The following UNC45B variants were observed in gnomAD, a reference collection of about 807,000 sequenced individuals.
The protein encoded by UNC45B is unc-45 myosin chaperone B, also known as protein unc-45 homolog B.
A neutral mutation model predicts 98.7 loss-of-function variants in UNC45B; 78 were observed. The observed-to-expected ratio is 0.79, with a 90% CI of 0.66 to 0.95. The LOEUF (loss-of-function observed/expected upper bound fraction) is 0.95. Among genes scored for constraint, UNC45B ranks in the 40% least tolerant of loss-of-function variants. The pLI is 0.00. For synonymous variants in UNC45B, 462 were observed against 480.4 expected, an observed-to-expected ratio of 0.96 and a Z score of 0.50; for missense variants, 1,225 against 1,184.9, an observed-to-expected ratio of 1.03 and a Z score of -0.50.
rs373988972 is a variant in UNC45B, at chr17:35,186,375, T to C, written c.2606T>C (p.Ile869Thr). ...QLSVQHRGLV[I>T]AYNLLAADAE... ...TCTGTCCAACACCGGGGCCTGGTCA[T>C]TGCCTACAACCTACTGGCAGCCGAT... Residue 869 changes from isoleucine (I) to threonine (T), a missense_variant, in exon 20 of 20, where the codon ATT becomes ACT. Coordinates refer to ENST00000394570, the MANE Select transcript of UNC45B (RefSeq NM_001267052.2). 3 of 1,614,078 alleles carry C rather than the reference T, an allele frequency of 1.9e-6. No homozygotes were observed. The highest frequency in any genetic ancestry group is 2.7e-5 in the African/African-American group (2 of 74,926).
chr17:35,179,479 T>G (rs1315843872), intron 17 of UNC45B, among the ~76,000 whole-genome samples: 1 of 152,202 alleles, frequency 6.6e-6, no homozygotes, highest in Non-Finnish European at 1.5e-5. Flanking sequence ...CTATTCACAA[T>G]AGCAAAGACT....
intron 17 of UNC45B, among the ~76,000 whole-genome samples, chr17:35,177,914 T>C (rs551064046): frequency 6.6e-6 from 1 of 152,188 alleles, no homozygotes; most frequent in East Asian, 1.9e-4. Context: ...TTTCTTTTCT[T>C]ATCAAGACCG....
In UNC45B at chr17:35,186,714, T is replaced by A; in HGVS notation, c.*155T>A. The A allele has an allele frequency of 1.2e-6, 1 of 829,196 alleles. No homozygotes were observed. Among genetic ancestry groups the A allele is most frequent in the Non-Finnish European group, 1.8e-6 (1 of 550,970 alleles). The allele number at this position is 829,196 out of a possible 1,614,324, so 51.4% of individuals were successfully genotyped here. A position where few individuals can be genotyped will look rare whatever the true frequency, so the allele number is the denominator to read the frequency against. On this transcript the variant is annotated 3_prime_UTR_variant, in exon 20 of 20. Coordinates refer to ENST00000394570, the MANE Select transcript of UNC45B (RefSeq NM_001267052.2). ...ACTTGATTGTTCTCTGAGTTGTGAGTCTTCTCCTTTGTCCTGACAGAGTTT... is the reference window on the plus strand; with the variant it reads ...ACTTGATTGTTCTCTGAGTTGTGAGACTTCTCCTTTGTCCTGACAGAGTTT...
At chr17:35,157,585 A>T (rs1168508054) in intron 7 of UNC45B, among the ~76,000 whole-genome samples, 1 of 152,218 alleles carries the variant, frequency 6.6e-6, no homozygotes. Context: ...TGTTCTTTCT[A>T]TATCTTGCTC....
rs1050598159 is a variant in UNC45B, at chr17:35,183,573, G to A, written c.2520G>A (p.Met840Ile). The change falls in exon 19 of 20, where the codon ATG (methionine) becomes ATA (isoleucine). Residue 840 changes from methionine to isoleucine, a missense_variant. Transcript: ENST00000394570. The stretch of plus-strand genomic sequence containing the variant: ...CACACAAGAAACTGTGCCTCAAGAT[G>A]ACTCAAGTGGTAAGAGCTGGCCCTG... Reference protein sequence around the residue: ...TAAHKKLCLKMTQVTTQWLEI... With the variant: ...TAAHKKLCLKITQVTTQWLEI... The A allele has an allele frequency of 3.8e-6, 6 of 1,562,714 alleles. No individual in the cohort carries two copies. Among genetic ancestry groups the A allele is most frequent in the East Asian group, 2.3e-5 (1 of 43,048 alleles).
intron 9 of UNC45B, among the ~76,000 whole-genome samples, chr17:35,165,547 G>T (rs1031572888): frequency 1.3e-5 from 2 of 152,124 alleles, no homozygotes; most frequent in African/African-American, 4.8e-5. Flanking sequence ...TATTCCAGGG[G>T]TCAACAAACT....
chr17:35,181,790 CAAAA>C (rs34090979), intron 18 of UNC45B, among the ~76,000 whole-genome samples: 10 of 115,842 alleles, frequency 8.6e-5, no homozygotes, highest in Non-Finnish European at 1.0e-4. Context: ...GACTGCATCT[CAAAA>C]AAAAAAAAAA....
intron 17 of UNC45B, among the ~76,000 whole-genome samples, chr17:35,178,247 G>T (rs2092249808): frequency 6.6e-6 from 1 of 152,192 alleles, no homozygotes; most frequent in South Asian, 2.1e-4. Flanking sequence ...ACTGGCGTGA[G>T]ATGGTGTCTC....
At chr17:35,164,693 A>C (rs1303170758) in intron 9 of UNC45B, 20 of 152,214 alleles carry the variant, frequency 1.3e-4, no homozygotes, top group Admixed American at 1.3e-3. Context: ...TTTTGAAGGC[A>C]GGGGTGTCAA....
intron 5 of UNC45B, among the ~76,000 whole-genome samples, chr17:35,153,769 G>A (rs918702485): frequency 6.0e-5 from 9 of 149,768 alleles, no homozygotes; most frequent in South Asian, 4.2e-4. Flanking sequence ...TTCTGGTCAC[G>A]CTTGCCTGGA....
At chr17:35,172,941 C>T (rs1317747706) in intron 13 of UNC45B, among the ~76,000 whole-genome samples, 1 of 152,140 alleles carries the variant, frequency 6.6e-6, no homozygotes, top group African/African-American at 2.4e-5. Flanking sequence ...GCTCCTCAGG[C>T]TCTGTCTTGG....
intron 2 of UNC45B, 108 bp from the exon 3 acceptor site, chr17:35,148,865 C>A: frequency 1.4e-6 from 2 of 1,388,782 alleles, no homozygotes; most frequent in Non-Finnish European, 2.0e-6. Flanking sequence ...CTCTGACAGC[C>A]TGCAGCTCCC....
Position 35,171,467 on chromosome 17 carries a change from G to T in UNC45B, c.1830+5G>T. On this transcript the variant is annotated splice_donor_5th_base_variant and intron_variant, in intron 13 of 19. Transcript: ENST00000394570. Reference sequence around the variant, plus strand: ...GTGCCCGAGGAACACCCCAAGGTAGGGTCAGGCGCGACCCGGGAGGGGTCT... The same window carrying T: ...GTGCCCGAGGAACACCCCAAGGTAGTGTCAGGCGCGACCCGGGAGGGGTCT... 1 of 1,613,788 alleles carries T rather than the reference G, an allele frequency of 6.2e-7. No individual in the cohort carries two copies. Among genetic ancestry groups the T allele is most frequent in the African/African-American group, 1.3e-5 (1 of 75,050 alleles).
chr17:35,151,742 A>T (rs1007629856), intron 4 of UNC45B, among the ~76,000 whole-genome samples: 1 of 152,220 alleles, frequency 6.6e-6, no homozygotes, highest in Non-Finnish European at 1.5e-5. Context: ...CTGAGGAAAT[A>T]TAAACTAAGG....
chr17:35,155,391 C>G lies in UNC45B; in HGVS notation c.735C>G (p.Leu245=). ...TGTCTCTGGCTGTCTGCAACCTGCT[C>G]CAAGCCATCATTGACTCCTTGTCTG... ...EEMSLAVCNL[L]QAIIDSLSGE... The change falls in exon 7 of 20, where the codon CTC becomes CTG. Residue 245 remains leucine (L), a synonymous_variant. Coordinates refer to ENST00000394570, the MANE Select transcript of UNC45B (RefSeq NM_001267052.2). 6.2e-7 allele frequency: 1 copy of G among 1,614,130 alleles called. No homozygotes were observed.
chr17:35,177,524 A>T lies in UNC45B; in HGVS notation c.2169A>T (p.Arg723Ser). The change falls in exon 17 of 20, where the codon AGA becomes AGT. Residue 723 changes from arginine (R) to serine (S), a missense_variant. By Grantham distance (110) the Arg-to-Ser change is moderately radical. Coordinates refer to ENST00000394570, the MANE Select transcript of UNC45B (RefSeq NM_001267052.2). Reference protein sequence around the residue: ...RVYEVVRPLVRLLDTQRDGLQ... With the variant: ...RVYEVVRPLVSLLDTQRDGLQ... ...ATGAGGTGGTGCGGCCCCTTGTAAGACTCTTGGACACACAGAGGGATGGGC... is the reference window on the plus strand; with the variant it reads ...ATGAGGTGGTGCGGCCCCTTGTAAGTCTCTTGGACACACAGAGGGATGGGC... 1 of 1,566,430 alleles carries T rather than the reference A, an allele frequency of 6.4e-7. No individual in the cohort carries two copies. The highest frequency in any genetic ancestry group is 8.7e-7 in the Non-Finnish European group (1 of 1,154,692).
intron 9 of UNC45B, among the ~76,000 whole-genome samples, chr17:35,164,883 G>A (rs1167042855): frequency 6.6e-6 from 1 of 151,132 alleles, no homozygotes; most frequent in Non-Finnish European, 1.5e-5. Flanking sequence ...CCACCATGCT[G>A]GGCTAATTTT....
chr17:35,148,868 C>A (rs2091995757), intron 2 of UNC45B, 105 bp from the exon 3 acceptor site: 1 of 1,402,928 alleles, frequency 7.1e-7, no homozygotes, highest in African/African-American at 1.4e-5. Flanking sequence ...TGACAGCCTG[C>A]AGCTCCCCCA....
At chr17:35,152,745 A>G in intron 4 of UNC45B, 148 bp from the exon 5 acceptor site, 1 of 726,532 alleles carries the variant, frequency 1.4e-6, no homozygotes, top group Non-Finnish European at 2.5e-6. Context: ...GTACTTATCC[A>G]GTAAATGTTT....
Sources: allele counts gnomAD v4.1 joint callset (sites outside exome capture counted in the v4.1 genomes callset), GRCh38; gene constraint gnomAD v4.1.1; transcripts MANE v1.5; gene names NCBI Gene and HGNC (gene_info 2026-07-23, HGNC 2026-07-21).